The following PAK1 variants were observed in gnomAD, a reference collection of about 807,000 sequenced individuals.
PAK1 encodes p21 (RAC1) activated kinase 1.
In PAK1, 29 loss-of-function variants were observed where a neutral mutation model predicts 67.4. The ratio of observed to expected loss-of-function variants is 0.43; its 90% CI spans 0.32 to 0.59. The LOEUF (loss-of-function observed/expected upper bound fraction) is 0.59, where lower values mean the gene tolerates loss of function less well. PAK1 is among the 20% of genes least tolerant of loss of function. The pLI is 0.07. For missense variants in PAK1, 337 were observed against 670.7 expected, an observed-to-expected ratio of 0.50 and a Z score of 5.50; for synonymous variants, 223 against 237.4, an observed-to-expected ratio of 0.94 and a Z score of 0.56.
At chr11:77,354,567 T>TAAAAC (rs891257902) in intron 7 of PAK1, among the ~76,000 whole-genome samples, 3 of 152,238 alleles carry the variant, frequency 2.0e-5, no homozygotes, top group South Asian at 2.1e-4. Context: ...GTGTTATTGT[T>TAAAAC]AAAACAAAAC....
chr11:77,386,229 G>T (rs614775), intron 2 of PAK1, among the ~76,000 whole-genome samples: 106,500 of 152,074 alleles, frequency 0.7, 38,138 homozygotes, highest in African/African-American at 0.85. Flanking sequence ...TTAAAAAAAT[G>T]ATTTTTAAGC....
At chr11:77,489,623 A>AT in the PAK1 span, among the ~76,000 whole-genome samples, 285 of 151,740 alleles carry the variant, frequency 1.9e-3, 1 homozygote, top group African/African-American at 6.7e-3. Context: ...TGGTTTTCGT[A>AT]TTTTTTTGGT....
the PAK1 span, among the ~76,000 whole-genome samples, chr11:77,498,726 G>C: frequency 1.1e-5 from 1 of 90,138 alleles, no homozygotes. Context: ...TTTTGAGACA[G>C]AGTCTTGCTC....
At chr11:77,366,911 T>C (rs1030414208) in intron 5 of PAK1, among the ~76,000 whole-genome samples, 1 of 152,192 alleles carries the variant, frequency 6.6e-6, no homozygotes, top group Non-Finnish European at 1.5e-5. Flanking sequence ...AACTGCATTA[T>C]TCATAATGAC....
intron 1 of PAK1, among the ~76,000 whole-genome samples, chr11:77,393,242 T>G (rs535392331): frequency 6.6e-6 from 1 of 150,456 alleles, no homozygotes; most frequent in East Asian, 1.9e-4. Flanking sequence ...ATCTCTCCAG[T>G]GTTTCCCTCC....
chr11:77,497,349 C>T, the PAK1 span, among the ~76,000 whole-genome samples: 1 of 152,134 alleles, frequency 6.6e-6, no homozygotes, highest in South Asian at 2.1e-4. Context: ...TAGCCCCTAA[C>T]AATTTATAAA....
chr11:77,331,518 A>T (rs527869391), intron 14 of PAK1, among the ~76,000 whole-genome samples: 58 of 152,338 alleles, frequency 3.8e-4, no homozygotes, highest in African/African-American at 1.3e-3. Context: ...CATCATTCTC[A>T]GCAAACTATT....
intron 1 of PAK1, among the ~76,000 whole-genome samples, chr11:77,433,279 T>C (rs1349318087): frequency 6.6e-6 from 1 of 152,172 alleles, no homozygotes; most frequent in African/African-American, 2.4e-5. Flanking sequence ...TTCATGACCC[T>C]GAATGGTTTC....
chr11:77,416,564 T>A (rs1005722139), intron 1 of PAK1, among the ~76,000 whole-genome samples: 4 of 152,210 alleles, frequency 2.6e-5, no homozygotes, highest in Non-Finnish European at 5.9e-5. Context: ...AACTTTTTTT[T>A]ATAAGTAGGA....
chr11:77,444,067 T>C (rs1956482740), intron 1 of PAK1, among the ~76,000 whole-genome samples: 1 of 152,136 alleles, frequency 6.6e-6, no homozygotes, highest in African/African-American at 2.4e-5. Flanking sequence ...GACTTACCCA[T>C]GGTTATTAAA....
intron 6 of PAK1, 21 bp downstream of exon 6, chr11:77,358,877 G>T (rs776509843): frequency 2.2e-5 from 36 of 1,612,568 alleles, no homozygotes; most frequent in Admixed American, 1.0e-4. Flanking sequence ...CACAAAACTG[G>T]CCAGGTCCCC....
At chr11:77,386,575 G>A (rs563000134) in intron 2 of PAK1, among the ~76,000 whole-genome samples, 1 of 152,184 alleles carries the variant, frequency 6.6e-6, no homozygotes, top group South Asian at 2.1e-4. Flanking sequence ...GGCACATACT[G>A]AGGCCATGCT....
chr11:77,399,918 T>C (rs1434895236), intron 1 of PAK1, among the ~76,000 whole-genome samples: 1 of 131,534 alleles, frequency 7.6e-6, no homozygotes, highest in East Asian at 2.4e-4. Context: ...TAACATAATA[T>C]ACATGTCAAT....
At chr11:77,379,787 G>GT in intron 3 of PAK1, 107 bp downstream of exon 3, 1 of 776,458 alleles carries the variant, frequency 1.3e-6, no homozygotes, top group Non-Finnish European at 2.1e-6. Flanking sequence ...TGTAATCAGG[G>GT]TCTCAGGCAA....
At chr11:77,394,595 C>A (rs1173051458) in intron 1 of PAK1, among the ~76,000 whole-genome samples, 2 of 152,076 alleles carry the variant, frequency 1.3e-5, no homozygotes, top group African/African-American at 2.4e-5. Context: ...ACCTGTAATC[C>A]CAGCACTTTG....
At chr11:77,466,872 CTT>C (rs968642783) in intron 1 of PAK1, among the ~76,000 whole-genome samples, 1 of 152,190 alleles carries the variant, frequency 6.6e-6, no homozygotes, top group African/African-American at 2.4e-5. Flanking sequence ...CAATTAACCT[CTT>C]TGTGTTTTCT....
chr11:77,349,124 CA>C (rs34167967), intron 9 of PAK1, 114 bp downstream of exon 9: 53,521 of 498,136 alleles, frequency 0.11, no homozygotes, highest in East Asian at 0.14. Context: ...GACCCCATCC[CA>C]AAAAAAAAAA....
At chr11:77,387,638 T>C (rs767677875) in intron 2 of PAK1, among the ~76,000 whole-genome samples, 4 of 152,264 alleles carry the variant, frequency 2.6e-5, no homozygotes, top group Non-Finnish European at 5.9e-5. Context: ...CCTATTTGTA[T>C]TGCATTTTAG....
chr11:77,411,704 C>T (rs1037359522), intron 1 of PAK1: 1 of 152,308 alleles, frequency 6.6e-6, no homozygotes, highest in Admixed American at 6.5e-5. Flanking sequence ...TGTCACCACT[C>T]TCCGAAAGCC....
Sources: gnomAD v4.1 joint callset for allele counts (sites outside exome capture counted in the v4.1 genomes callset) on GRCh38, gnomAD v4.1.1 for gene constraint, MANE v1.5 for transcripts, NCBI Gene and HGNC (gene_info 2026-07-23, HGNC 2026-07-21) for gene names.